The following ZDHHC15 variants were observed in gnomAD, a reference collection of about 807,000 sequenced individuals.
ZDHHC15 encodes the protein zDHHC palmitoyltransferase 15, also known as palmitoyltransferase ZDHHC15.
In ZDHHC15, 19 loss-of-function variants were observed where a neutral mutation model predicts 31.7. The observed-to-expected ratio is 0.60, with a 90% confidence interval of 0.42 to 0.88. ZDHHC15 has a LOEUF of 0.88. ZDHHC15 is among the 40% of genes least tolerant of loss of function. ZDHHC15 has a pLI of 0.00. For missense variants in ZDHHC15, 209 were observed against 251.2 expected (o/e 0.83, Z 1.14); for synonymous variants, 103 against 90.0 (o/e 1.14, Z -0.82).
At chrX:75,413,678 A>AG (rs200022619) in intron 10 of ZDHHC15, among the ~76,000 whole-genome samples, 2 of 110,642 alleles carry the variant, frequency 1.8e-5, no homozygotes, top group Non-Finnish European at 3.8e-5. Context: ...AAAAAAAAAA[A>AG]CAAACAACAA....
intron 10 of ZDHHC15, among the ~76,000 whole-genome samples, chrX:75,386,552 C>T (rs1221189355): frequency 9.0e-6 from 1 of 111,059 alleles, no homozygotes; most frequent in Non-Finnish European, 1.9e-5. Flanking sequence ...CAGTTTACTC[C>T]AGCCTTGACC....
intron 3 of ZDHHC15, among the ~76,000 whole-genome samples, chrX:75,457,183 C>A (rs1371049627): frequency 2.7e-5 from 3 of 110,850 alleles, no homozygotes; most frequent in Non-Finnish European, 5.7e-5. Context: ...TCTTGCAAAC[C>A]ATATCATTTG....
At chrX:75,399,486 A>G (rs890177751) in intron 10 of ZDHHC15, among the ~76,000 whole-genome samples, 14 of 111,568 alleles carry the variant, frequency 1.3e-4, no homozygotes, top group Non-Finnish European at 2.1e-4. Flanking sequence ...TTGGGCATAA[A>G]CCCTTCACCT....
chrX:75,423,141 T>C (rs2083669870), intron 8 of ZDHHC15, among the ~76,000 whole-genome samples: 1 of 108,885 alleles, frequency 9.2e-6, no homozygotes, highest in African/African-American at 3.3e-5. Flanking sequence ...CTCAGCTTAC[T>C]GAGGAGCTGC....
intron 3 of ZDHHC15, among the ~76,000 whole-genome samples, chrX:75,456,837 G>T (rs2084231606): frequency 9.0e-6 from 1 of 111,291 alleles, no homozygotes; most frequent in South Asian, 3.8e-4. Flanking sequence ...CCCCTGTCAA[G>T]GCCACATACT....
intron 8 of ZDHHC15, among the ~76,000 whole-genome samples, chrX:75,422,686 C>G (rs991747139): frequency 2.7e-5 from 3 of 111,474 alleles, no homozygotes; most frequent in African/African-American, 9.8e-5. Context: ...TATCATGAAG[C>G]TTTTAGTGGT....
intron 10 of ZDHHC15, among the ~76,000 whole-genome samples, chrX:75,414,190 T>C (rs1251362265): frequency 9.0e-6 from 1 of 111,691 alleles, no homozygotes; most frequent in Non-Finnish European, 1.9e-5. Context: ...TACATGGATC[T>C]ATACACTGTG....
At chrX:75,522,648 T>C (rs1475337052) in intron 1 of ZDHHC15, among the ~76,000 whole-genome samples, 1 of 110,176 alleles carries the variant, frequency 9.1e-6, no homozygotes, top group Non-Finnish European at 1.9e-5. Context: ...GACATTATTG[T>C]GGGTAGGGCA....
intron 4 of ZDHHC15, among the ~76,000 whole-genome samples, chrX:75,439,773 G>T (rs906950569): frequency 9.0e-6 from 1 of 111,186 alleles, no homozygotes; most frequent in African/African-American, 3.3e-5. Flanking sequence ...TGTTTTTCTT[G>T]TTCCTTCTCA....
At chrX:75,469,845 C>T (rs1202473584) in intron 3 of ZDHHC15, among the ~76,000 whole-genome samples, 2 of 111,957 alleles carry the variant, frequency 1.8e-5, no homozygotes, top group African/African-American at 6.5e-5. Context: ...CACCAACAGC[C>T]TTCAAATGTT....
chrX:75,516,200 C>CATTGGTAGCT (rs1405740302), intron 1 of ZDHHC15, among the ~76,000 whole-genome samples: 1 of 111,703 alleles, frequency 9.0e-6, no homozygotes, highest in East Asian at 2.8e-4. Flanking sequence ...CATCGAGCTA[C>CATTGGTAGCT]CAATGACTTT....
chrX:75,409,866 T>C (rs2083465843), intron 10 of ZDHHC15, among the ~76,000 whole-genome samples: 1 of 102,347 alleles, frequency 9.8e-6, no homozygotes. Flanking sequence ...ATCAGCATGG[T>C]GCATGGTGTT....
At chrX:75,409,811 AAAAAAAAAAC>A (rs2083464397) in intron 10 of ZDHHC15, among the ~76,000 whole-genome samples, 2 of 99,180 alleles carry the variant, frequency 2.0e-5, no homozygotes, top group Admixed American at 1.2e-4. Context: ...AAAAAAAAAA[AAAAAAAAAAC>A]AACAACAACA....
intron 1 of ZDHHC15, among the ~76,000 whole-genome samples, chrX:75,506,491 A>T (rs943206142): frequency 4.5e-5 from 5 of 111,888 alleles, no homozygotes; most frequent in Admixed American, 9.6e-5. Context: ...ATTTGAATGG[A>T]TTTGTTACTA....
chrX:75,455,518 G>T (rs2084203946), intron 3 of ZDHHC15, among the ~76,000 whole-genome samples: 1 of 111,831 alleles, frequency 8.9e-6, no homozygotes, highest in African/African-American at 3.3e-5. Flanking sequence ...ATAGACAAAT[G>T]GGATGTAATT....
intron 1 of ZDHHC15, among the ~76,000 whole-genome samples, chrX:75,520,707 A>C (rs1457136040): frequency 9.0e-6 from 1 of 111,101 alleles, no homozygotes; most frequent in Non-Finnish European, 1.9e-5. Context: ...CTTCCCAGTC[A>C]TTGCATAGTC....
intron 5 of ZDHHC15, 26 bp from the exon 6 acceptor site, chrX:75,430,006 G>C: frequency 8.4e-7 from 1 of 1,195,688 alleles, no homozygotes; most frequent in Non-Finnish European, 1.1e-6. Flanking sequence ...AATACAGTGT[G>C]ATAAGTGAGG....
intron 8 of ZDHHC15, 119 bp from the exon 9 acceptor site, chrX:75,422,109 G>T: frequency 1.1e-6 from 1 of 913,404 alleles, no homozygotes; most frequent in Non-Finnish European, 1.5e-6. Context: ...ATATCTTTTT[G>T]CTGTGGTAGC....
intron 10 of ZDHHC15, among the ~76,000 whole-genome samples, chrX:75,409,996 C>G (rs1248172076): frequency 9.0e-6 from 1 of 110,565 alleles, no homozygotes; most frequent in Non-Finnish European, 1.9e-5. Flanking sequence ...AAAGAACAGT[C>G]TCTTCAGCTG....
Sources: gnomAD v4.1 joint callset for allele counts (sites outside exome capture counted in the v4.1 genomes callset) on GRCh38, gnomAD v4.1.1 for gene constraint, MANE v1.5 for transcripts, NCBI Gene and HGNC (gene_info 2026-07-23, HGNC 2026-07-21) for gene names.